Variants in CNN3 observed in about 807,000 individuals in gnomAD.
CNN3 encodes the protein calponin 3.
A neutral mutation model predicts 39.0 loss-of-function variants in CNN3; 11 were observed. That is an observed-to-expected ratio of 0.28 (90% CI 0.18 to 0.47). CNN3 has a LOEUF of 0.47. CNN3 is among the 20% of genes least tolerant of loss of function. CNN3 has a pLI of 0.99. For synonymous variants in CNN3, 101 were observed against 138.3 expected, an observed-to-expected ratio of 0.73 and a Z score of 1.89; for missense variants, 266 against 403.4, an observed-to-expected ratio of 0.66 and a Z score of 2.92.
intron 1 of CNN3, chr1:94,924,182 C>G (rs148641955): frequency 1.3e-5 from 2 of 152,336 alleles, no homozygotes; most frequent in South Asian, 4.1e-4. Flanking sequence ...ACCTTTCACC[C>G]GGGAGTCCTG....
chr1:94,904,482 G>A lies in CNN3; in HGVS notation c.58-958C>T, dbSNP rs186679951. Among the ~76,000 whole-genome samples the A allele has an allele frequency of 2.9e-3, 445 of 152,274 alleles. 3 individuals carry two copies. The highest frequency in any genetic ancestry group is 0.01 in the African/African-American group (422 of 41,552). On this transcript the variant is annotated intron_variant, in intron 1 of 6. Transcript: ENST00000370206. ...GAACACAGCTGAGGCAGGCATAGTG[G>A]CTCACACCTGTAATCTCGGCACTTT...
chr1:94,917,625 C>T (rs1295101473), intron 1 of CNN3, among the ~76,000 whole-genome samples: 1 of 152,188 alleles, frequency 6.6e-6, no homozygotes, highest in African/African-American at 2.4e-5. Context: ...AAAAGTTACA[C>T]ACTTTTCTAC....
At chr1:94,911,711 G>A (rs950444610) in intron 1 of CNN3, among the ~76,000 whole-genome samples, 2 of 152,106 alleles carry the variant, frequency 1.3e-5, no homozygotes, top group Non-Finnish European at 2.9e-5. Context: ...CAAGGCTGCA[G>A]TGAGCAGAGA....
At chr1:94,924,666 G>A (rs1379189537) in intron 1 of CNN3, among the ~76,000 whole-genome samples, 1 of 152,210 alleles carries the variant, frequency 6.6e-6, no homozygotes, top group African/African-American at 2.4e-5. Context: ...ACAGACAGCA[G>A]AGTTTGTGTA....
intron 1 of CNN3, among the ~76,000 whole-genome samples, chr1:94,906,402 A>G (rs1167284112): frequency 3.3e-5 from 5 of 152,248 alleles, no homozygotes; most frequent in Non-Finnish European, 7.3e-5. Context: ...TAGGCAAAGA[A>G]GAAAAGGAGA....
At chr1:94,909,630 A>G (rs1400052748) in intron 1 of CNN3, among the ~76,000 whole-genome samples, 1 of 152,216 alleles carries the variant, frequency 6.6e-6, no homozygotes, top group Non-Finnish European at 1.5e-5. Context: ...GTGTCCTAAC[A>G]GTGAAGGCAG....
At chr1:94,919,559 C>G (rs3789709) in intron 1 of CNN3, among the ~76,000 whole-genome samples, 31,483 of 151,978 alleles carry the variant, frequency 0.21, 3,427 homozygotes, top group Middle Eastern at 0.24. Context: ...ATTCACAGAG[C>G]CTGGGTAACA....
At chr1:94,898,154 A>T in intron 6 of CNN3, 71 bp from the exon 7 acceptor site, 1 of 1,426,526 alleles carries the variant, frequency 7.0e-7, no homozygotes, top group Non-Finnish European at 9.6e-7. Flanking sequence ...TTTATAAATT[A>T]TAGAATTCAC....
At position 94,926,919 on chromosome 1, in the gene CNN3, C is replaced by T. The variant is rs200657386; in HGVS notation, c.-25G>A. 9.1e-5 allele frequency: 146 copies of T among 1,606,656 alleles called. No individual in the cohort carries two copies. The African/African-American group carries it at 1.8e-3, about 20-fold the overall frequency. ...TGGTGGTTCGGGCGGCGGGAAGAGA[C>T]AGCGCTGGGGTCCGGGGTCTCTCGC... On this transcript the variant is annotated 5_prime_UTR_variant, in exon 1 of 7. Transcript: ENST00000370206. This position sits in a 1 kb window ranked among gnomAD's most constrained non-coding sequence, Gnocchi z 4.2.
intron 1 of CNN3, among the ~76,000 whole-genome samples, chr1:94,923,172 C>A (rs1406808295): frequency 2.0e-5 from 3 of 152,228 alleles, no homozygotes; most frequent in Non-Finnish European, 4.4e-5. Context: ...CCAACTCCAA[C>A]ATTTTGCCAG....
chr1:94,915,793 C>T (rs1308532374), intron 1 of CNN3, among the ~76,000 whole-genome samples: 1 of 152,214 alleles, frequency 6.6e-6, no homozygotes, highest in Non-Finnish European at 1.5e-5. Flanking sequence ...TCTTCCTATT[C>T]CTGCTCTCTT....
chr1:94,911,220 C>T (rs550207398), intron 1 of CNN3, among the ~76,000 whole-genome samples: 1 of 152,142 alleles, frequency 6.6e-6, no homozygotes, highest in African/African-American at 2.4e-5. Flanking sequence ...TTCCATGGCA[C>T]GAACGTGCTA....
At chr1:94,902,901 C>T (rs542923752) in intron 3 of CNN3, among the ~76,000 whole-genome samples, 3 of 151,682 alleles carry the variant, frequency 2.0e-5, no homozygotes, top group East Asian at 1.9e-4. Context: ...CTAAGCTAAA[C>T]GTAATAATTA....
chr1:94,897,420 T>A lies in CNN3; in HGVS notation c.*322A>T. The stretch of plus-strand genomic sequence containing the variant: ...GTTTCCTATTGTTTGAAAATACCAG[T>A]TTAATATAAGATTGTAAAAATGCAT... On this transcript the variant is annotated 3_prime_UTR_variant, in exon 7 of 7. Transcript: ENST00000370206. The A allele has an allele frequency of 1.0e-5, 2 of 192,270 alleles. No homozygotes were observed. The highest frequency in any genetic ancestry group is 2.1e-5 in the Non-Finnish European group (2 of 95,244). The allele number at this position is 192,270 out of a possible 1,614,324, so 11.9% of individuals were successfully genotyped here.
intron 1 of CNN3, among the ~76,000 whole-genome samples, chr1:94,909,866 G>GA (rs367614849): frequency 2.6e-5 from 4 of 151,918 alleles, no homozygotes; most frequent in African/African-American, 9.7e-5. Flanking sequence ...AGTACCATTT[G>GA]AAAAAAAGAT....
At chr1:94,911,571 C>T (rs945867165) in intron 1 of CNN3, among the ~76,000 whole-genome samples, 2 of 152,148 alleles carry the variant, frequency 1.3e-5, no homozygotes, top group African/African-American at 4.8e-5. Flanking sequence ...TCCTTTGAGA[C>T]TAGCCTGGGC....
At chr1:94,909,805 C>A (rs1671109793) in intron 1 of CNN3, among the ~76,000 whole-genome samples, 1 of 152,044 alleles carries the variant, frequency 6.6e-6, no homozygotes, top group Non-Finnish European at 1.5e-5. Flanking sequence ...AAGCTCGATT[C>A]CTGCGCTGTT....
At chr1:94,899,671 C>G (rs1380053458) in intron 5 of CNN3, among the ~76,000 whole-genome samples, 154 bp from the exon 6 acceptor site, 1 of 149,726 alleles carries the variant, frequency 6.7e-6, no homozygotes, top group East Asian at 2.0e-4. Flanking sequence ...TGTCTACAAA[C>G]AAATTTCAAG....
chr1:94,926,333 C>T lies in CNN3; in HGVS notation c.57+505G>A, dbSNP rs1349449330. Among the ~76,000 whole-genome samples, 6 of 152,154 alleles carry T rather than the reference C, an allele frequency of 3.9e-5. No homozygotes were observed. The highest frequency in any genetic ancestry group is 3.9e-4 in the Admixed American group (6 of 15,282). ...GGACCGGCTTCCGTTCCTCGGGGCC[C>T]CTGGGGTCGGCGGGACATTAGGCGG... On this transcript the variant is annotated intron_variant, in intron 1 of 6. Transcript: ENST00000370206. This position sits in a 1 kb window ranked among gnomAD's most constrained non-coding sequence, Gnocchi z 4.2.
Sources: allele counts gnomAD v4.1 joint callset (sites outside exome capture counted in the v4.1 genomes callset), GRCh38; gene constraint gnomAD v4.1.1; non-coding constraint Gnocchi (gnomAD v3.1); transcripts MANE v1.5; gene names NCBI Gene and HGNC (gene_info 2026-07-23, HGNC 2026-07-21).